Variants in CD96 observed in about 807,000 individuals in gnomAD.
CD96 encodes T-cell surface protein tactile.
A neutral mutation model predicts 71.3 loss-of-function variants in CD96; 70 were observed. That is an observed-to-expected ratio of 0.98 (90% confidence interval 0.81 to 1.20). The LOEUF is 1.20. Among genes scored for constraint, CD96 ranks in the 50% most tolerant of loss-of-function variants. The pLI, the probability that CD96 is intolerant of heterozygous loss-of-function variation, is 0.00. For synonymous variants in CD96, 248 were observed against 233.0 expected (o/e 1.06, Z -0.59); for missense variants, 742 against 677.5 (o/e 1.10, Z -1.06).
chr3:111,568,856 G>A (rs1935845468), intron 3 of CD96, among the ~76,000 whole-genome samples: 1 of 152,012 alleles, frequency 6.6e-6, no homozygotes, highest in African/African-American at 2.4e-5. Context: ...CCCTAAAACT[G>A]TTAAAAACAA....
At chr3:111,583,085 A>G (rs1013920344) in intron 4 of CD96, among the ~76,000 whole-genome samples, 6 of 152,264 alleles carry the variant, frequency 3.9e-5, no homozygotes, top group Non-Finnish European at 8.8e-5. Context: ...TACTTTCTAG[A>G]TATAATGGGG....
In CD96 at chr3:111,620,960, A is replaced by G. The variant is rs553340745; in HGVS notation, c.1181-2794A>G. Among the ~76,000 whole-genome samples, 44 of 152,338 alleles carry G rather than the reference A, an allele frequency of 2.9e-4. No homozygotes were observed. The South Asian group carries it at 8.9e-3, about 31-fold the overall frequency. ...TATTTTCTGACCTCCAGAAGAGAAC[A>G]TTTAATCAGTCATTTTAATATAAAT... On this transcript the variant is annotated intron_variant, in intron 8 of 13. Transcript: ENST00000352690.
chr3:111,634,170 G>A (rs915428817), intron 10 of CD96: 2 of 152,652 alleles, frequency 1.3e-5, no homozygotes, highest in Non-Finnish European at 2.9e-5. Flanking sequence ...CTTGTCACAG[G>A]TGAATGTCAA....
At chr3:111,569,667 T>C (rs1935885382) in intron 3 of CD96, among the ~76,000 whole-genome samples, 1 of 152,242 alleles carries the variant, frequency 6.6e-6, no homozygotes. Flanking sequence ...TGTAGTGTTC[T>C]TATCTTGTCT....
chr3:111,654,370 A>G (rs993848136), downstream of CD96, among the ~76,000 whole-genome samples: 10 of 152,348 alleles, frequency 6.6e-5, no homozygotes, highest in Admixed American at 1.3e-4. Context: ...AGAAAGCAGG[A>G]TACTATGACC....
Position 111,606,773 on chromosome 3 carries a change from C to T in CD96, c.1161C>T (p.Ala387=). 1 of 1,589,998 alleles carries T rather than the reference C, an allele frequency of 6.3e-7. No individual in the cohort carries two copies. Among genetic ancestry groups the T allele is most frequent in the Non-Finnish European group, 8.6e-7 (1 of 1,157,940 alleles). Residue 387 remains alanine (A), a synonymous_variant, in exon 8 of 14, where the codon GCC becomes GCT. Transcript: ENST00000352690. ...CCCTTGACACCCAACCTTCTCCAGC[C>T]AGCAGTGTATCTCCTGCAAGTAAGA... ...ESTLDTQPSP[A]SSVSPARYPA... is the part of the protein sequence containing the mutation.
chr3:111,585,352 A>T lies in CD96; in HGVS notation c.781A>T (p.Asn261Tyr). ...ACCAGAAATCCCTGTGATTGTGGAA[A>T]ATAACTCCACGGATGTCTTGGTAGA... ...AKPEIPVIVE[N>Y]NSTDVLVERR... The change falls in exon 5 of 14, where the codon AAT (asparagine) becomes TAT (tyrosine). Residue 261 changes from asparagine (N) to tyrosine (Y), a missense_variant. Coordinates refer to ENST00000352690, the MANE Select transcript of CD96 (RefSeq NM_005816.5). The T allele has an allele frequency of 6.2e-7, 1 of 1,611,158 alleles. No homozygotes were observed. Among genetic ancestry groups the T allele is most frequent in the Non-Finnish European group, 8.5e-7 (1 of 1,177,356 alleles).
chr3:111,588,347 C>A (rs1203411784), intron 5 of CD96, among the ~76,000 whole-genome samples: 2 of 152,208 alleles, frequency 1.3e-5, no homozygotes, highest in East Asian at 3.8e-4. Context: ...CAGTTCCCAA[C>A]AAGTTCCTCA....
At chr3:111,551,833 C>T (rs1243319361) in intron 2 of CD96, among the ~76,000 whole-genome samples, 1 of 152,106 alleles carries the variant, frequency 6.6e-6, no homozygotes, top group African/African-American at 2.4e-5. Flanking sequence ...ATTGCTGGGT[C>T]AAATGGTATT....
chr3:111,567,559 A>G lies in CD96; in HGVS notation c.455A>G (p.Glu152Gly). 6.2e-7 allele frequency: 1 copy of G among 1,604,150 alleles called. No homozygotes were observed. Among genetic ancestry groups the G allele is most frequent in the South Asian group, 1.1e-5 (1 of 90,868 alleles). ...GAATGGAACAGCAACCATACGATAG[A>G]AATAGAGATAAATCAGACTCTGGAA... The part of the protein sequence containing the change: ...ADEWNSNHTI[E>G]IEINQTLEIP... Residue 152 changes from glutamate to glycine, a missense_variant, in exon 3 of 14, where the codon GAA becomes GGA. Transcript: ENST00000352690.
chr3:111,611,932 G>C (rs1279791676), intron 8 of CD96, among the ~76,000 whole-genome samples: 1 of 152,170 alleles, frequency 6.6e-6, no homozygotes, highest in Non-Finnish European at 1.5e-5. Flanking sequence ...TCTCCTTTAT[G>C]CTGGACTGAA....
chr3:111,562,342 A>C (rs1935492012), intron 2 of CD96, among the ~76,000 whole-genome samples: 1 of 152,152 alleles, frequency 6.6e-6, no homozygotes, highest in Non-Finnish European at 1.5e-5. Context: ...TGATTCCTCC[A>C]TGTCTCATAA....
chr3:111,648,922 A>G (rs1303660535), intron 13 of CD96, among the ~76,000 whole-genome samples: 1 of 152,220 alleles, frequency 6.6e-6, no homozygotes, highest in Non-Finnish European at 1.5e-5. Flanking sequence ...TGCATTTCGG[A>G]AAAAGAGATT....
At chr3:111,583,116 C>T (rs1936544522) in intron 4 of CD96, among the ~76,000 whole-genome samples, 2 of 152,224 alleles carry the variant, frequency 1.3e-5, no homozygotes, top group Non-Finnish European at 2.9e-5. Flanking sequence ...TCAGTAAATA[C>T]AACCATTCTA....
At chr3:111,647,373 T>C (rs1004732235) in intron 12 of CD96, among the ~76,000 whole-genome samples, 170 bp from the exon 13 acceptor site, 12 of 152,150 alleles carry the variant, frequency 7.9e-5, no homozygotes, top group Non-Finnish European at 1.8e-4. Context: ...AATTAACTCT[T>C]AAAAGTTATC....
At chr3:111,578,431 C>A (rs578013194) in intron 3 of CD96, among the ~76,000 whole-genome samples, 2 of 152,150 alleles carry the variant, frequency 1.3e-5, no homozygotes, top group Non-Finnish European at 2.9e-5. Flanking sequence ...AGGTTAGGAC[C>A]AGAACAAGGC....
At chr3:111,615,939 T>C (rs1938209639) in intron 8 of CD96, among the ~76,000 whole-genome samples, 2 of 152,184 alleles carry the variant, frequency 1.3e-5, no homozygotes, top group Non-Finnish European at 1.5e-5. Flanking sequence ...TCACTTCCTA[T>C]GCCTGAAAAA....
chr3:111,581,574 G>A (rs940810353), intron 4 of CD96, among the ~76,000 whole-genome samples: 1 of 152,170 alleles, frequency 6.6e-6, no homozygotes, highest in African/African-American at 2.4e-5. Context: ...GCCACTTCCT[G>A]CATCTCCTTC....
At position 111,545,154 on chromosome 3, in the gene CD96, A is replaced by G. The variant is rs1179275306; in HGVS notation, c.170A>G (p.Gln57Arg). ...ACAGTAGGCTTCTTCGTGCAGATGC[A>G]ATGGTCCAAGGTCACCAATAAGATA... ...TQTVGFFVQM[Q>R]WSKVTNKIDL... The change falls in exon 2 of 14, where the codon CAA becomes CGA. Residue 57 changes from glutamine (Q) to arginine (R), a missense_variant. Coordinates refer to ENST00000352690, the MANE Select transcript of CD96 (RefSeq NM_005816.5). The G allele has an allele frequency of 1.2e-6, 2 of 1,614,182 alleles. No individual in the cohort carries two copies. Among genetic ancestry groups the G allele is most frequent in the Non-Finnish European group, 1.7e-6 (2 of 1,180,006 alleles).
Sources: gnomAD v4.1 joint callset for allele counts (sites outside exome capture counted in the v4.1 genomes callset) on GRCh38, gnomAD v4.1.1 for gene constraint, MANE v1.5 for transcripts, NCBI Gene and HGNC (gene_info 2026-07-23, HGNC 2026-07-21) for gene names.